Variants in DLC1 observed in about 807,000 individuals in gnomAD.
DLC1 encodes DLC1 Rho GTPase activating protein, also known as rho GTPase-activating protein 7.
Under a neutral mutation model 140.3 loss-of-function variants are expected in DLC1, and 54 were observed. The ratio of observed to expected loss-of-function variants is 0.38; its 90% CI spans 0.31 to 0.48. The LOEUF is 0.48. Ranked by LOEUF, DLC1 falls within the 20% of genes least tolerant of loss-of-function variation. DLC1 has a pLI of 0.96. For synonymous variants in DLC1, 986 were observed against 728.1 expected, an observed-to-expected ratio of 1.35 and a Z score of -5.70; for missense variants, 2,536 against 1,907.0, an observed-to-expected ratio of 1.33 and a Z score of -6.14.
chr8:13,537,566 G>A (rs1450451850), intron 1 of DLC1, among the ~76,000 whole-genome samples: 1 of 151,568 alleles, frequency 6.6e-6, no homozygotes, highest in Admixed American at 6.6e-5. Flanking sequence ...AAGGATCAGT[G>A]CAGAGTGACA....
rs571970008 is a variant in DLC1 at position 13,245,181 on chromosome 8, T to G, written c.1348+60088A>C. On this transcript the variant is annotated intron_variant, in intron 5 of 17. Transcript: ENST00000276297. ...TGACTGCCCTGAGGTGGCCACACTGTGAGGAAGCCCAGGCTATAGGAAGAG... is the reference window on the plus strand; with the variant it reads ...TGACTGCCCTGAGGTGGCCACACTGGGAGGAAGCCCAGGCTATAGGAAGAG... Among the ~76,000 whole-genome samples, 9 of 152,318 alleles carry G rather than the reference T, an allele frequency of 5.9e-5. No homozygotes were observed. The South Asian group carries it at 8.3e-4, about 14-fold the overall frequency.
At chr8:13,110,621 G>A (rs775949721) in intron 7 of DLC1, 121 bp downstream of exon 7, 4 of 892,114 alleles carry the variant, frequency 4.5e-6, no homozygotes, top group Non-Finnish European at 7.0e-6. Flanking sequence ...ATCACTCTAT[G>A]GTTTGCCAAT....
chr8:13,573,164 T>C (rs1002407635), intron 1 of DLC1, among the ~76,000 whole-genome samples: 1 of 152,252 alleles, frequency 6.6e-6, no homozygotes, highest in African/African-American at 2.4e-5. Context: ...ATCTTTACCA[T>C]GTAAGTTTTG....
At chr8:13,575,046 A>C (rs375644798) in intron 1 of DLC1, among the ~76,000 whole-genome samples, 1 of 152,236 alleles carries the variant, frequency 6.6e-6, no homozygotes, top group East Asian at 1.9e-4. Flanking sequence ...ACACAAAATG[A>C]AAACATAGTT....
chr8:13,483,607 A>G (rs1800839156), intron 2 of DLC1, among the ~76,000 whole-genome samples: 1 of 152,134 alleles, frequency 6.6e-6, no homozygotes, highest in East Asian at 1.9e-4. Context: ...TCAGGGAGAG[A>G]GAGTGTGTGA....
chr8:13,337,864 C>CT (rs1216971084), intron 4 of DLC1, among the ~76,000 whole-genome samples: 1 of 152,106 alleles, frequency 6.6e-6, no homozygotes, highest in African/African-American at 2.4e-5. Context: ...TAGTTCCACT[C>CT]TTTGTACTGC....
At chr8:13,443,009 G>C (rs1798596601) in intron 2 of DLC1, among the ~76,000 whole-genome samples, 1 of 152,072 alleles carries the variant, frequency 6.6e-6, no homozygotes, top group South Asian at 2.1e-4. Context: ...ATACACCATG[G>C]AATACTATGC....
intron 5 of DLC1, among the ~76,000 whole-genome samples, chr8:13,296,840 A>G (rs1197655127): frequency 1.3e-5 from 2 of 151,972 alleles, no homozygotes; most frequent in East Asian, 3.9e-4. Flanking sequence ...GAGACCTGGG[A>G]AGACCACTTC....
rs550012984 is a variant in DLC1, at chr8:13,213,596, C to T, written c.1348+91673G>A. ...ATGAAACTTGAGAGGCTTTCATTTCCGGCGAAAGAAACCACATAGCAGCTT... is the reference window on the plus strand; with the variant it reads ...ATGAAACTTGAGAGGCTTTCATTTCTGGCGAAAGAAACCACATAGCAGCTT... On this transcript the variant is annotated intron_variant, in intron 5 of 17. Transcript: ENST00000276297. Among the ~76,000 whole-genome samples the T allele has an allele frequency of 1.4e-4, 22 of 152,218 alleles. 1 individual carries two copies. The highest frequency in any genetic ancestry group is 2.0e-4 in the Admixed American group (3 of 15,284).
rs180918889 is a variant in DLC1 at position 13,470,093 on chromosome 8, C to T, written c.1023+28956G>A. ...CTTATTTTTTTCCCCCTTTGGTGAACCATTACTTCCTCTTGTGGAATATTT... is the reference window on the plus strand; with the variant it reads ...CTTATTTTTTTCCCCCTTTGGTGAATCATTACTTCCTCTTGTGGAATATTT... On this transcript the variant is annotated intron_variant, in intron 2 of 17. Coordinates refer to ENST00000276297, the MANE Select transcript of DLC1 (RefSeq NM_182643.3). Among the ~76,000 whole-genome samples, 63 of 152,206 alleles carry T rather than the reference C, an allele frequency of 4.1e-4. No homozygotes were observed. The East Asian group carries it at 6.4e-3, about 15-fold the overall frequency.
chr8:13,113,466 C>A lies in DLC1; in HGVS notation c.1420+2120G>T, dbSNP rs547441631. 2.6e-5 allele frequency among the ~76,000 whole-genome samples: 4 copies of A among 152,304 alleles called. No individual in the cohort carries two copies. In the East Asian group the frequency reaches 7.7e-4, roughly 29 times the overall value. ...ATGTAACTTGTGCAAATGCACCCTG[C>A]ATTTTAGGATTAGGAAAGAGGAGAC... On this transcript the variant is annotated intron_variant, in intron 6 of 17. Coordinates refer to ENST00000276297, the MANE Select transcript of DLC1 (RefSeq NM_182643.3).
intron 2 of DLC1, among the ~76,000 whole-genome samples, chr8:13,482,371 A>G (rs1800776982): frequency 6.6e-6 from 1 of 151,920 alleles, no homozygotes; most frequent in Admixed American, 6.6e-5. Context: ...TTTTCATTTT[A>G]TAATTTCTTT....
At chr8:13,460,919 A>T (rs1268870876) in intron 2 of DLC1, among the ~76,000 whole-genome samples, 1 of 152,184 alleles carries the variant, frequency 6.6e-6, no homozygotes. Flanking sequence ...GTGCGTGTAA[A>T]AATATATGTA....
At chr8:13,356,086 T>C (rs60885750) in intron 4 of DLC1, among the ~76,000 whole-genome samples, 29,991 of 77,220 alleles carry the variant, frequency 0.39, 4,263 homozygotes, top group South Asian at 0.48. Flanking sequence ...CAAGACTCCA[T>C]CTCAAAAAAA....
chr8:13,145,038 A>G (rs1385184109), intron 5 of DLC1, among the ~76,000 whole-genome samples: 1 of 152,220 alleles, frequency 6.6e-6, no homozygotes, highest in Non-Finnish European at 1.5e-5. Context: ...AAACAAAAGT[A>G]TTTATAAATT....
intron 5 of DLC1, among the ~76,000 whole-genome samples, chr8:13,216,023 G>T (rs149201920): frequency 1.3e-5 from 2 of 151,986 alleles, no homozygotes; most frequent in African/African-American, 2.4e-5. Context: ...CCATTCTCTC[G>T]CAGTTCCCAT....
Position 13,324,431 on chromosome 8 carries a change from G to T in DLC1, c.1315-19129C>A, listed in dbSNP as rs1349131242. On this transcript the variant is annotated intron_variant, in intron 4 of 17. Transcript: ENST00000276297. ...AAAATACAAAAACTTAGCTGGGCGT[G>T]GTGGCGGGCGCCTGTAGTCCCAGCT... Among the ~76,000 whole-genome samples, 6 of 152,144 alleles carry T rather than the reference G, an allele frequency of 3.9e-5. No homozygotes were observed. The East Asian group carries it at 1.2e-3, about 30-fold the overall frequency.
At chr8:13,196,732 C>T (rs1034926062) in intron 5 of DLC1, among the ~76,000 whole-genome samples, 3 of 152,168 alleles carry the variant, frequency 2.0e-5, no homozygotes, top group Non-Finnish European at 2.9e-5. Context: ...ATTTATGTCA[C>T]GAGAGTCATG....
intron 4 of DLC1, among the ~76,000 whole-genome samples, chr8:13,366,645 C>T (rs1323652955): frequency 6.6e-6 from 1 of 152,134 alleles, no homozygotes; most frequent in Non-Finnish European, 1.5e-5. Context: ...TTGGTTAGAG[C>T]AGATATAAAT....
Sources: allele counts gnomAD v4.1 joint callset (sites outside exome capture counted in the v4.1 genomes callset), GRCh38; gene constraint gnomAD v4.1.1; transcripts MANE v1.5; gene names NCBI Gene and HGNC (gene_info 2026-07-23, HGNC 2026-07-21).